EYS: variants seen among roughly 807,000 people sequenced by gnomAD.
The protein encoded by EYS is EGF-like photoreceptor maintenance factor.
In EYS, 250 loss-of-function variants were observed where a neutral mutation model predicts 282.1. That is an observed-to-expected ratio of 0.89 (90% CI 0.80 to 0.98). The LOEUF is 0.98. Ranked by LOEUF, EYS falls within the 50% of genes least tolerant of loss-of-function variation. The pLI is 0.00. For missense variants in EYS, 4,016 were observed against 3,709.0 expected, an observed-to-expected ratio of 1.08 and a Z score of -2.15; for synonymous variants, 1,355 against 1,282.9, an observed-to-expected ratio of 1.06 and a Z score of -1.20.
Position 65,317,908 on chromosome 6 carries a change from C to T in EYS, c.1766+17072G>A, listed in dbSNP as rs559597280. The stretch of plus-strand genomic sequence containing the variant: ...TTTCAGACAGAGTCTCCCTCTGTTG[C>T]CCAGGCTGGAGGGCAGTGGTGCGAT... On this transcript the variant is annotated intron_variant, in intron 11 of 42. Transcript: ENST00000503581. Among the ~76,000 whole-genome samples the T allele has an allele frequency of 3.0e-4, 43 of 143,086 alleles. 1 individual carries two copies. The highest frequency in any genetic ancestry group is 5.6e-4 in the Non-Finnish European group (37 of 66,096). 93.9% of individuals were successfully genotyped at this position (143,086 alleles called of 152,430 possible). A position where few individuals can be genotyped will look rare whatever the true frequency, so the allele number is the denominator to read the frequency against.
chr6:65,668,387 G>C (rs546506389), intron 1 of EYS, among the ~76,000 whole-genome samples: 1 of 151,716 alleles, frequency 6.6e-6, no homozygotes, highest in Non-Finnish European at 1.5e-5. Flanking sequence ...ATTGGGTCTT[G>C]GCTAACTGTG....
chr6:65,485,507 A>T (rs1765752694), intron 5 of EYS, among the ~76,000 whole-genome samples: 3 of 152,174 alleles, frequency 2.0e-5, no homozygotes, highest in African/African-American at 7.2e-5. Flanking sequence ...ACTTACAGTT[A>T]AAAAATGCCA....
chr6:64,042,863 C>T (rs1770452721), intron 33 of EYS, among the ~76,000 whole-genome samples: 1 of 152,150 alleles, frequency 6.6e-6, no homozygotes, highest in Non-Finnish European at 1.5e-5. Flanking sequence ...TCTTTAAGGA[C>T]TTCCACTCCA....
chr6:64,540,423 C>T (rs1562049707), intron 26 of EYS, among the ~76,000 whole-genome samples: 1 of 151,884 alleles, frequency 6.6e-6, no homozygotes, highest in Non-Finnish European at 1.5e-5. Context: ...CTTTGTAGCC[C>T]CACCCTCACA....
rs116703169 is a variant in EYS, at chr6:65,682,876, A to G, written c.-448+24259T>C. On this transcript the variant is annotated intron_variant, in intron 1 of 42. Coordinates refer to ENST00000503581, the MANE Select transcript of EYS (RefSeq NM_001142800.2). Reference sequence around the variant, plus strand: ...TATCTGAGGGAACAGTAAATACCATATGAGAGTGGCTAGAATTACCTGGAA... The same window carrying G: ...TATCTGAGGGAACAGTAAATACCATGTGAGAGTGGCTAGAATTACCTGGAA... 8.5e-4 allele frequency among the ~76,000 whole-genome samples: 129 copies of G among 152,116 alleles called. 1 individual carries two copies. The highest frequency in any genetic ancestry group is 2.5e-3 in the African/African-American group (103 of 41,552).
At chr6:64,992,997 T>A (rs117404292) in intron 14 of EYS, among the ~76,000 whole-genome samples, 2 of 152,150 alleles carry the variant, frequency 1.3e-5, no homozygotes, top group East Asian at 3.9e-4. Context: ...GGAGCCACAT[T>A]TGGTATGCAA....
chr6:65,663,335 T>A (rs967768476), intron 1 of EYS, among the ~76,000 whole-genome samples: 10 of 152,044 alleles, frequency 6.6e-5, no homozygotes, highest in African/African-American at 2.4e-4. Flanking sequence ...GAAAGATTGT[T>A]AGAGCCATGA....
chr6:64,751,135 T>A (rs1478128639), intron 22 of EYS, among the ~76,000 whole-genome samples: 1 of 152,136 alleles, frequency 6.6e-6, no homozygotes, highest in African/African-American at 2.4e-5. Flanking sequence ...GAGTTGCCCC[T>A]CCCTTCCCAT....
chr6:64,856,077 A>G (rs1345523820), intron 19 of EYS, among the ~76,000 whole-genome samples: 2 of 152,202 alleles, frequency 1.3e-5, no homozygotes, highest in African/African-American at 2.4e-5. Flanking sequence ...GAACAATTAT[A>G]TACACAATTT....
At chr6:64,601,539 A>T (rs376923917) in intron 24 of EYS, among the ~76,000 whole-genome samples, 1 of 152,144 alleles carries the variant, frequency 6.6e-6, no homozygotes, top group East Asian at 1.9e-4. Context: ...ACACATTTCA[A>T]ATCCAGCCTT....
At chr6:65,379,789 G>T (rs765937043) in intron 8 of EYS, among the ~76,000 whole-genome samples, 3 of 151,820 alleles carry the variant, frequency 2.0e-5, no homozygotes, top group Non-Finnish European at 2.9e-5. Context: ...CAATATCAAT[G>T]TGCAAAAATC....
intron 39 of EYS, among the ~76,000 whole-genome samples, chr6:63,786,465 A>G (rs1289822568): frequency 6.6e-6 from 1 of 151,700 alleles, no homozygotes; most frequent in Non-Finnish European, 1.5e-5. Flanking sequence ...GTTCTCACTC[A>G]TAAGTGGGAG....
chr6:65,391,378 T>G (rs1766024888), intron 7 of EYS, among the ~76,000 whole-genome samples: 2 of 152,104 alleles, frequency 1.3e-5, no homozygotes, highest in East Asian at 3.9e-4. Flanking sequence ...TTTAAAAAAC[T>G]TTTCCCTATG....
At chr6:64,537,012 T>A (rs55683162) in intron 26 of EYS, among the ~76,000 whole-genome samples, 2,303 of 152,080 alleles carry the variant, frequency 0.015, 47 homozygotes, top group African/African-American at 0.052. Context: ...TTATTTTGTT[T>A]TTTTTTTATT....
chr6:65,330,135 C>G lies in EYS; in HGVS notation c.1766+4845G>C, dbSNP rs967494893. On this transcript the variant is annotated intron_variant, in intron 11 of 42. Transcript: ENST00000503581. ...AAATGTGTTCACTTTCTAAATGAAA[C>G]AGAAGAACCATGAGATGTGTTCTGA... is the stretch of plus-strand genomic sequence containing the variant. The G allele has an allele frequency of 3.4e-5, 33 of 981,640 alleles. No individual in the cohort carries two copies. The African/African-American group carries it at 5.4e-4, about 16-fold the overall frequency. The allele number at this position is 981,640 out of a possible 1,614,324, so 60.8% of individuals were successfully genotyped here. A position where few individuals can be genotyped will look rare whatever the true frequency, so the allele number is the denominator to read the frequency against.
chr6:64,421,484 C>T (rs561587363), intron 28 of EYS, among the ~76,000 whole-genome samples: 1 of 152,156 alleles, frequency 6.6e-6, no homozygotes, highest in South Asian at 2.1e-4. Flanking sequence ...TAGTATAACT[C>T]TTAAATTATC....
In EYS at chr6:65,121,212, A is replaced by G. The variant is rs559623959; in HGVS notation, c.2024-63485T>C. On this transcript the variant is annotated intron_variant, in intron 12 of 42. Transcript: ENST00000503581. Reference sequence around the variant, plus strand: ...TTCATGTGAATCTTGTCAGTGGCCAAGACACTTGTGCACATTGATCTTGAC... The same window carrying G: ...TTCATGTGAATCTTGTCAGTGGCCAGGACACTTGTGCACATTGATCTTGAC... Among the ~76,000 whole-genome samples the G allele has an allele frequency of 4.6e-5, 7 of 152,236 alleles. No homozygotes were observed. In the East Asian group the frequency reaches 1.4e-3, roughly 30 times the overall value.
At chr6:65,674,265 A>T (rs1162523001) in intron 1 of EYS, among the ~76,000 whole-genome samples, 1 of 151,738 alleles carries the variant, frequency 6.6e-6, no homozygotes, top group East Asian at 1.9e-4. Context: ...TGGGGCAAGG[A>T]AATGAACAAC....
chr6:64,019,842 A>T (rs1364266470), intron 33 of EYS, among the ~76,000 whole-genome samples: 1 of 112,890 alleles, frequency 8.9e-6, no homozygotes, highest in African/African-American at 4.3e-5. Context: ...ATATATATGT[A>T]TATATAAGTA....
Sources: gnomAD v4.1 joint callset for allele counts (sites outside exome capture counted in the v4.1 genomes callset) on GRCh38, gnomAD v4.1.1 for gene constraint, MANE v1.5 for transcripts, NCBI Gene and HGNC (gene_info 2026-07-23, HGNC 2026-07-21) for gene names.